Variants in FGD1 observed in about 807,000 individuals in gnomAD.
The protein encoded by FGD1 is FYVE, RhoGEF and PH domain-containing protein 1.
FGD1 carries 12 observed loss-of-function variants against 65.0 expected under a neutral mutation model. The observed-to-expected ratio is 0.18, with a 90% CI of 0.12 to 0.30. The LOEUF (loss-of-function observed/expected upper bound fraction) is 0.30, where lower values mean the gene tolerates loss of function less well. Ranked by LOEUF, FGD1 falls within the 10% of genes least tolerant of loss-of-function variation. FGD1 has a pLI of 1.00. For missense variants in FGD1, 542 were observed against 837.6 expected (o/e 0.65, Z 4.36); for synonymous variants, 333 against 343.9 (o/e 0.97, Z 0.35).
chrX:54,447,195 GAT>G lies in FGD1; in HGVS notation c.2580+114_2580+115del, dbSNP rs1299947625. 4 of 827,187 alleles carry G rather than the reference GAT, an allele frequency of 4.8e-6. No homozygotes were observed. In the African/African-American group the frequency reaches 6.0e-5, roughly 12 times the overall value. 68.2% of individuals were successfully genotyped at this position (827,187 alleles called of 1,213,427 possible). A position where few individuals can be genotyped will look rare whatever the true frequency, so the allele number is the denominator to read the frequency against. On this transcript the variant is annotated intron_variant, in intron 17 of 17. Transcript: ENST00000375135. ...GTTGGGGTTCTGATTTCCTCTTAGA[GAT>G]AGGCTCACCTTATCTTCCAAGGCTC...
At chrX:54,490,727 T>C (rs1292555069) in intron 1 of FGD1, among the ~76,000 whole-genome samples, 1 of 111,417 alleles carries the variant, frequency 9.0e-6, no homozygotes, top group Non-Finnish European at 1.9e-5. Flanking sequence ...CTCTTGTATA[T>C]AGATGGCCCC....
intron 12 of FGD1, among the ~76,000 whole-genome samples, chrX:54,452,745 C>A (rs908293476): frequency 9.0e-6 from 1 of 110,906 alleles, no homozygotes; most frequent in African/African-American, 3.3e-5. Context: ...GACTCCATCT[C>A]AAAAATAAAT....
At chrX:54,458,452 A>G (rs1267853119) in intron 8 of FGD1, among the ~76,000 whole-genome samples, 1 of 108,075 alleles carries the variant, frequency 9.3e-6, no homozygotes. Flanking sequence ...GAAGCAGGAG[A>G]ATCACTTGAA....
At position 54,446,537 on chromosome X, in the gene FGD1, G is replaced by A; in HGVS notation, c.2581-123C>T. 6.3e-6 allele frequency: 4 copies of A among 630,661 alleles called. 1 individual carries two copies. The highest frequency in any genetic ancestry group is 9.7e-6 in the Non-Finnish European group (4 of 412,657). The allele number at this position is 630,661 out of a possible 1,213,427, so 52.0% of individuals were successfully genotyped here. On this transcript the variant is annotated intron_variant, in intron 17 of 17. Coordinates refer to ENST00000375135, the MANE Select transcript of FGD1 (RefSeq NM_004463.3). Reference sequence around the variant, plus strand: ...CCTACTCAGGAACTCCCCTACTCAGGAACCTTCCGTGGCTCCAGTGTTATC... The same window carrying A: ...CCTACTCAGGAACTCCCCTACTCAGAAACCTTCCGTGGCTCCAGTGTTATC...
chrX:54,481,579 G>C (rs1032727744), intron 1 of FGD1, among the ~76,000 whole-genome samples: 1 of 105,283 alleles, frequency 9.5e-6, no homozygotes, highest in African/African-American at 3.5e-5. Context: ...GATCCCAGGT[G>C]TGTCTGTGTC....
In FGD1 at chrX:54,455,749, C is replaced by T. The variant is rs1922487086; in HGVS notation, c.1878G>A (p.Leu626=). 1.7e-6 allele frequency: 2 copies of T among 1,188,634 alleles called. No individual in the cohort carries two copies. Among genetic ancestry groups the T allele is most frequent in the Non-Finnish European group, 2.3e-6 (2 of 882,575 alleles). Residue 626 remains leucine, a synonymous_variant, in exon 11 of 18, where the codon CTG becomes CTA. Transcript: ENST00000375135. ...CGCTAAACTTCTGGCCAAGGAGCCG[C>T]AGCCTGGGCACGCAGTAAAGGAGGC... ...NDRLLYCVPR[L]RLLGQKFSVR...
In FGD1 at chrX:54,485,690, T is replaced by C. The variant is rs6612160; in HGVS notation, c.307+9436A>G. Among the ~76,000 whole-genome samples the C allele has an allele frequency of 1.3e-3, 147 of 111,360 alleles. No individual in the cohort carries two copies. The East Asian group carries it at 0.029, about 22-fold the overall frequency. ...CTCACTATGTAGCCCAGGCTGGTCA[T>C]GAACTCCTGCCCTTAAGCAATCCTC... On this transcript the variant is annotated intron_variant, in intron 1 of 17. Coordinates refer to ENST00000375135, the MANE Select transcript of FGD1 (RefSeq NM_004463.3).
rs762648821 is a variant in FGD1, at chrX:54,482,422, C to T, written c.308-10935G>A. On this transcript the variant is annotated intron_variant, in intron 1 of 17. Coordinates refer to ENST00000375135, the MANE Select transcript of FGD1 (RefSeq NM_004463.3). ...TCCACCCCCGCCCATCTCCCTCCCC[C>T]GCCCCGGGAGGAGCTGGGGACTTCA... Among the ~76,000 whole-genome samples, 7 of 112,025 alleles carry T rather than the reference C, an allele frequency of 6.2e-5. No homozygotes were observed. In the East Asian group the frequency reaches 1.7e-3, roughly 27 times the overall value.
intron 8 of FGD1, among the ~76,000 whole-genome samples, chrX:54,460,514 G>A (rs1325780620): frequency 1.8e-5 from 2 of 112,427 alleles, no homozygotes; most frequent in African/African-American, 6.4e-5. Context: ...AGGGCGAGGC[G>A]GGTGGATCAC....
intron 1 of FGD1, among the ~76,000 whole-genome samples, chrX:54,489,662 T>C (rs1168024036): frequency 8.9e-6 from 1 of 111,951 alleles, no homozygotes; most frequent in Non-Finnish European, 1.9e-5. Flanking sequence ...CCAGTCGGAA[T>C]GGCTATTACT....
In FGD1 at chrX:54,465,706, T is replaced by C. The variant is rs1922742893; in HGVS notation, c.1487A>G (p.His496Arg). 1 of 1,211,465 alleles carries C rather than the reference T, an allele frequency of 8.3e-7. No individual in the cohort carries two copies. Among genetic ancestry groups the C allele is most frequent in the Non-Finnish European group, 1.1e-6 (1 of 895,448 alleles). ...ERSTQFKVII[H>R]EVQKEEACGN... is the part of the protein sequence containing the mutation. ...AGCTTGACCACTTACCTGCACCTCA[T>C]GGATGATGACTTTAAACTGGGTGGA... is the stretch of plus-strand genomic sequence containing the variant. Residue 496 changes from histidine (H) to arginine (R), a missense_variant, in exon 7 of 18, where the codon CAT (histidine) becomes CGT (arginine). By Grantham distance (29) the His-to-Arg change is conservative. This residue lies in a region of FGD1 where 41 missense variants were observed against 109.5 expected (regional missense o/e 0.37). Transcript: ENST00000375135.
Position 54,448,847 on chromosome X carries a change from A to C in FGD1, c.2395T>G (p.Cys799Gly). ...CGGCGCTGGGGTGTATGCTGGCTGC[A>C]GGCTGGACTGCTCCCAGGCACCCCG... ...LHGVPGSSPA[C>G]SQHTPQRRRS... is the part of the protein sequence containing the mutation. Residue 799 changes from cysteine to glycine, a missense_variant, in exon 16 of 18, where the codon TGC (cysteine) becomes GGC (glycine). This residue lies in a region of FGD1 where 182 missense variants were observed against 311.4 expected (regional missense o/e 0.58). Coordinates refer to ENST00000375135, the MANE Select transcript of FGD1 (RefSeq NM_004463.3). 1 of 1,211,648 alleles carries C rather than the reference A, an allele frequency of 8.3e-7. No homozygotes were observed. The highest frequency in any genetic ancestry group is 1.1e-6 in the Non-Finnish European group (1 of 895,402).
At chrX:54,457,202 C>T (rs908703604) in intron 8 of FGD1, among the ~76,000 whole-genome samples, 3 of 111,072 alleles carry the variant, frequency 2.7e-5, no homozygotes, top group South Asian at 3.8e-4. Context: ...TTGGTGGGGC[C>T]GTGGGTGGTT....
Position 54,495,993 on chromosome X carries a change from G to C in FGD1, c.-561C>G, listed in dbSNP as rs1402984024. 1 of 112,871 alleles carries C rather than the reference G, an allele frequency of 8.9e-6. No homozygotes were observed. The highest frequency in any genetic ancestry group is 1.9e-5 in the Non-Finnish European group (1 of 53,190). The allele number at this position is 112,871 out of a possible 1,213,427, so 9.3% of individuals were successfully genotyped here. On this transcript the variant is annotated 5_prime_UTR_variant, in exon 1 of 18. Transcript: ENST00000375135. ...GAGAGGAGGGGAGGGAAGAGAGAACGGCGGTGGCCGGGGGCGCGCGTGTGC... is the reference window on the plus strand; with the variant it reads ...GAGAGGAGGGGAGGGAAGAGAGAACCGCGGTGGCCGGGGGCGCGCGTGTGC...
At chrX:54,448,697 T>C in intron 16 of FGD1, 109 bp downstream of exon 16, 1 of 784,234 alleles carries the variant, frequency 1.3e-6, no homozygotes, top group Non-Finnish European at 1.9e-6. Context: ...CAAGCCTGGG[T>C]CCCTTGATCA....
Position 54,470,308 on chromosome X carries a change from G to A in FGD1, c.809C>T (p.Pro270Leu). 8.3e-7 allele frequency: 1 copy of A among 1,207,243 alleles called. No individual in the cohort carries two copies. Among genetic ancestry groups the A allele is most frequent in the Non-Finnish European group, 1.1e-6 (1 of 893,219 alleles). ...EASRCLFLLA[P>L]GPRDGEKVPN... ...CACCTTCTCACCGTCCCGGGGCCCA[G>A]GAGCCAGCAGAAACAGGCAGCGGGA... Residue 270 changes from proline to leucine, a missense_variant, in exon 4 of 18, where the codon CCT (proline) becomes CTT (leucine). By Grantham distance (98) the Pro-to-Leu change is moderately conservative. Coordinates refer to ENST00000375135, the MANE Select transcript of FGD1 (RefSeq NM_004463.3).
At chrX:54,475,365 G>T (rs1383734180) in intron 1 of FGD1, among the ~76,000 whole-genome samples, 1 of 111,778 alleles carries the variant, frequency 8.9e-6, no homozygotes. Flanking sequence ...TATTAACCCT[G>T]CTCTCCAAGG....
At chrX:54,493,744 G>T (rs1923465065) in intron 1 of FGD1, among the ~76,000 whole-genome samples, 1 of 112,252 alleles carries the variant, frequency 8.9e-6, no homozygotes, top group African/African-American at 3.2e-5. Flanking sequence ...AGGGCCTGTT[G>T]CCAGCTGGTT....
Position 54,470,727 on chromosome X carries a change from C to CG in FGD1, c.514dup (p.Arg172ProfsTer45). ...GATGGGCTCCAGTGGGGGGGGCATC[C>CG]GGGGCATCTGCAGGTAGCTGGGCTT... On this transcript the variant is annotated frameshift_variant, in exon 3 of 18. Transcript: ENST00000375135. LOFTEE classifies it high-confidence loss of function. The CG allele has an allele frequency of 3.9e-6, 3 of 764,427 alleles. No homozygotes were observed. The highest frequency in any genetic ancestry group is 4.4e-5 in the East Asian group (1 of 22,507). The allele number at this position is 764,427 out of a possible 1,213,427, so 63.0% of individuals were successfully genotyped here.
Sources: gnomAD v4.1 joint callset for allele counts (sites outside exome capture counted in the v4.1 genomes callset) on GRCh38, gnomAD v4.1.1 for gene constraint, gnomAD v4.1.1 regional missense constraint, MANE v1.5 for transcripts, NCBI Gene and HGNC (gene_info 2026-07-23, HGNC 2026-07-21) for gene names.